AGBL1: variants seen among roughly 807,000 people sequenced by gnomAD.
AGBL1 encodes cytosolic carboxypeptidase 4.
In AGBL1, 130 loss-of-function variants were observed where a neutral mutation model predicts 118.9. The ratio of observed to expected loss-of-function variants is 1.09; its 90% confidence interval spans 0.95 to 1.26. The LOEUF (loss-of-function observed/expected upper bound fraction) is 1.26, where lower values mean the gene tolerates loss of function less well. Among genes scored for constraint, AGBL1 ranks in the 50% most tolerant of loss-of-function variants. AGBL1 has a pLI of 0.00. For synonymous variants in AGBL1, 555 were observed against 478.9 expected, an observed-to-expected ratio of 1.16 and a Z score of -2.08; for missense variants, 1,584 against 1,298.1, an observed-to-expected ratio of 1.22 and a Z score of -3.38.
At chr15:86,745,495 G>T (rs994990004) in intron 22 of AGBL1, among the ~76,000 whole-genome samples, 2 of 151,986 alleles carry the variant, frequency 1.3e-5, no homozygotes, top group African/African-American at 4.8e-5. Flanking sequence ...GGGAACTACT[G>T]CCCAGAGAGG....
intron 23 of AGBL1, among the ~76,000 whole-genome samples, chr15:86,977,457 G>A (rs2081186988): frequency 6.6e-6 from 1 of 150,522 alleles, no homozygotes. Flanking sequence ...AATATCATTG[G>A]ATAGTCATTG....
intron 6 of AGBL1, among the ~76,000 whole-genome samples, chr15:86,246,500 T>A (rs1047640015): frequency 1.3e-5 from 2 of 152,104 alleles, no homozygotes; most frequent in African/African-American, 4.8e-5. Flanking sequence ...AAAACGCACA[T>A]GAAGAGCAGG....
chr15:86,771,017 G>C (rs141173710), intron 22 of AGBL1, among the ~76,000 whole-genome samples: 1 of 152,114 alleles, frequency 6.6e-6, no homozygotes, highest in Non-Finnish European at 1.5e-5. Context: ...ACTCGTAAAG[G>C]CATCCAATGT....
intron 24 of AGBL1, among the ~76,000 whole-genome samples, chr15:86,993,050 T>C (rs193248795): frequency 1.9e-3 from 284 of 152,278 alleles, no homozygotes; most frequent in African/African-American, 6.6e-3. Context: ...TGACCAATAT[T>C]TGTCATTTTT....
At chr15:86,448,772 G>A (rs2082158104) in intron 18 of AGBL1, among the ~76,000 whole-genome samples, 2 of 152,122 alleles carry the variant, frequency 1.3e-5, no homozygotes, top group African/African-American at 4.8e-5. Context: ...AAAGGGAGAG[G>A]AGGGAATTAG....
intron 13 of AGBL1, among the ~76,000 whole-genome samples, chr15:86,269,454 A>G (rs1187206343): frequency 1.3e-5 from 2 of 152,230 alleles, no homozygotes; most frequent in Non-Finnish European, 2.9e-5. Flanking sequence ...TTCTAGCTAG[A>G]TAAAAACTTC....
At chr15:86,928,929 T>C (rs1466844268) in intron 23 of AGBL1, among the ~76,000 whole-genome samples, 1 of 152,212 alleles carries the variant, frequency 6.6e-6, no homozygotes, top group East Asian at 1.9e-4. Context: ...CATTTAACCA[T>C]TTAAAATGTA....
intron 3 of AGBL1, among the ~76,000 whole-genome samples, chr15:86,147,994 T>G (rs1181216891): frequency 1.3e-5 from 2 of 152,232 alleles, no homozygotes; most frequent in African/African-American, 4.8e-5. Flanking sequence ...AAACAAGGTC[T>G]GGAGTGGAAC....
chr15:86,979,769 C>T (rs2081211225), intron 23 of AGBL1, among the ~76,000 whole-genome samples: 1 of 152,176 alleles, frequency 6.6e-6, no homozygotes, highest in East Asian at 1.9e-4. Context: ...TTCCGAAGTG[C>T]TGGGATTACA....
chr15:86,808,602 C>CTTCTTTCCTTCCTTCCCT (rs1567183626), intron 22 of AGBL1, among the ~76,000 whole-genome samples: 49 of 138,468 alleles, frequency 3.5e-4, no homozygotes, highest in African/African-American at 1.3e-3. Context: ...TCCTTCCTTC[C>CTTCTTTCCTTCCTTCCCT]TTCTTTCCTT....
At chr15:86,499,246 A>G (rs2082889853) in intron 18 of AGBL1, among the ~76,000 whole-genome samples, 1 of 151,934 alleles carries the variant, frequency 6.6e-6, no homozygotes, top group African/African-American at 2.4e-5. Context: ...AAAGGGAATA[A>G]TGATAATTTT....
intron 21 of AGBL1, among the ~76,000 whole-genome samples, chr15:86,597,226 C>T (rs1455724026): frequency 6.6e-6 from 1 of 152,120 alleles, no homozygotes; most frequent in African/African-American, 2.4e-5. Context: ...CTACTATTTT[C>T]TGTCTATCTG....
At chr15:86,807,198 A>G (rs2078727619) in intron 22 of AGBL1, among the ~76,000 whole-genome samples, 1 of 152,184 alleles carries the variant, frequency 6.6e-6, no homozygotes, top group South Asian at 2.1e-4. Flanking sequence ...ATTCGTTACA[A>G]GCAAGCCAAA....
At chr15:86,425,267 T>C (rs1442818522) in intron 18 of AGBL1, among the ~76,000 whole-genome samples, 1 of 152,106 alleles carries the variant, frequency 6.6e-6, no homozygotes, top group Non-Finnish European at 1.5e-5. Context: ...GAAACCATCT[T>C]TCTCAGCAAA....
intron 22 of AGBL1, among the ~76,000 whole-genome samples, chr15:86,897,764 CTTT>C (rs71460231): frequency 1.2e-5 from 1 of 80,650 alleles, no homozygotes; most frequent in African/African-American, 5.0e-5. Context: ...CATCTTTTAT[CTTT>C]TTTTTTTTTT....
rs188769939 is a variant in AGBL1 at position 86,137,102 on chromosome 15, G to A, written c.52-4902G>A. Among the ~76,000 whole-genome samples, 3 of 152,284 alleles carry A rather than the reference G, an allele frequency of 2.0e-5. No individual in the cohort carries two copies. In the East Asian group the frequency reaches 5.8e-4, roughly 29 times the overall value. On this transcript the variant is annotated intron_variant, in intron 1 of 22. Transcript: ENST00000614907. ...GCTTTGTGTTATTCTTCTAAATAGT[G>A]TAAAATATTTATTGGTAAATGTAGC...
rs2079133001 is a variant in AGBL1, at chr15:86,269,988, A to T, written c.1908A>T (p.Lys636Asn). 6.2e-7 allele frequency: 1 copy of T among 1,613,758 alleles called. No homozygotes were observed. Among genetic ancestry groups the T allele is most frequent in the Non-Finnish European group, 8.5e-7 (1 of 1,179,848 alleles). Residue 636 changes from lysine (K) to asparagine (N), a missense_variant, in exon 14 of 23, where the codon AAA becomes AAT. Transcript: ENST00000614907. Reference sequence around the variant, plus strand: ...AGCACCAGCAGTGGTTCTATTTCAAAGTGAGCGGTATGCAGGCGGCCATCC... The same window carrying T: ...AGCACCAGCAGTGGTTCTATTTCAATGTGAGCGGTATGCAGGCGGCCATCC... ...STQHQQWFYF[K>N]VSGMQAAIPY... is the part of the protein sequence containing the mutation.
At chr15:86,563,978 G>C (rs955377707) in intron 21 of AGBL1, among the ~76,000 whole-genome samples, 1 of 152,054 alleles carries the variant, frequency 6.6e-6, no homozygotes, top group Non-Finnish European at 1.5e-5. Flanking sequence ...TTTTCCATTT[G>C]CTTGGTAGAT....
intron 16 of AGBL1, among the ~76,000 whole-genome samples, chr15:86,292,731 C>T (rs2079566983): frequency 6.6e-6 from 1 of 152,032 alleles, no homozygotes; most frequent in African/African-American, 2.4e-5. Context: ...GATTGGTGGA[C>T]ACTGTAAGGC....
Sources: allele counts gnomAD v4.1 joint callset (sites outside exome capture counted in the v4.1 genomes callset), GRCh38; gene constraint gnomAD v4.1.1; transcripts MANE v1.5; gene names NCBI Gene and HGNC (gene_info 2026-07-23, HGNC 2026-07-21).